Variants in MYO9A observed in about 807,000 individuals in gnomAD.
MYO9A encodes the protein unconventional myosin-IXa.
In MYO9A, 103 loss-of-function variants were observed where a neutral mutation model predicts 293.3. That is an observed-to-expected ratio of 0.35 (90% CI 0.30 to 0.41). MYO9A has a LOEUF of 0.41. Among genes scored for constraint, MYO9A ranks in the 10% least tolerant of loss-of-function variants. The pLI, the probability that MYO9A is intolerant of heterozygous loss-of-function variation, is 1.00. For synonymous variants in MYO9A, 1,001 were observed against 1,035.7 expected (o/e 0.97, Z 0.64); for missense variants, 2,685 against 3,033.0 (o/e 0.89, Z 2.69).
intron 5 of MYO9A, 72 bp downstream of exon 5, chr15:72,020,846 G>C: frequency 1.0e-6 from 1 of 960,360 alleles, no homozygotes; most frequent in South Asian, 2.5e-5. Context: ...GAAAGTACTA[G>C]AAAAAAGACA....
intron 32 of MYO9A, among the ~76,000 whole-genome samples, chr15:71,863,583 GT>G (rs2056223804): frequency 6.6e-6 from 1 of 152,098 alleles, no homozygotes; most frequent in Admixed American, 6.5e-5. Flanking sequence ...GCAATATGCA[GT>G]TTAGTTTGAA....
intron 33 of MYO9A, 64 bp from the exon 34 acceptor site, chr15:71,859,860 A>G (rs1200876769): frequency 1.4e-6 from 2 of 1,403,292 alleles, no homozygotes. Context: ...ATAACTTATC[A>G]AGTATACTTT....
chr15:72,108,180 G>A (rs1220838833), intron 1 of MYO9A, among the ~76,000 whole-genome samples: 1 of 152,268 alleles, frequency 6.6e-6, no homozygotes, highest in South Asian at 2.1e-4. Flanking sequence ...TACATAACAG[G>A]AGAAAAAATT....
chr15:71,893,419 C>A, intron 26 of MYO9A: 1 of 492,476 alleles, frequency 2.0e-6, no homozygotes, highest in South Asian at 2.2e-5. Context: ...CCAAAGAAGT[C>A]ATCTTTCACT....
chr15:72,001,974 T>C (rs2076878599), intron 8 of MYO9A, among the ~76,000 whole-genome samples: 1 of 152,168 alleles, frequency 6.6e-6, no homozygotes, highest in African/African-American at 2.4e-5. Flanking sequence ...GCTGCAATTA[T>C]TAAAAGTAAA....
chr15:71,964,604 A>G (rs2075824224), intron 13 of MYO9A, among the ~76,000 whole-genome samples: 1 of 122,736 alleles, frequency 8.1e-6, no homozygotes, highest in African/African-American at 3.2e-5. Context: ...ACATGGTGAC[A>G]CCCCATCTCT....
chr15:71,853,622 G>T (rs1295345416), intron 35 of MYO9A, among the ~76,000 whole-genome samples: 1 of 152,146 alleles, frequency 6.6e-6, no homozygotes, highest in African/African-American at 2.4e-5. Flanking sequence ...GCCCACACAA[G>T]GACATGCTTT....
intron 1 of MYO9A, among the ~76,000 whole-genome samples, chr15:72,097,851 G>A (rs35258998): frequency 0.2 from 30,233 of 151,656 alleles, 3,263 homozygotes; most frequent in East Asian, 0.41. Flanking sequence ...CAGAGGTTGC[G>A]GTGAGCCGAG....
chr15:71,851,604 A>G (rs2055651275), intron 36 of MYO9A, among the ~76,000 whole-genome samples: 1 of 152,170 alleles, frequency 6.6e-6, no homozygotes, highest in African/African-American at 2.4e-5. Flanking sequence ...GGGGATAGAG[A>G]TGTTCTAGTT....
intron 8 of MYO9A, among the ~76,000 whole-genome samples, chr15:72,006,487 G>C (rs1472425049): frequency 6.6e-6 from 1 of 152,124 alleles, no homozygotes; most frequent in African/African-American, 2.4e-5. Flanking sequence ...ATCCTGGAAA[G>C]GGCAAATCTA....
At chr15:71,913,892 G>T (rs558767178) in intron 19 of MYO9A, among the ~76,000 whole-genome samples, 101 of 151,916 alleles carry the variant, frequency 6.6e-4, no homozygotes, top group African/African-American at 2.3e-3. Context: ...ATAAAAGGTC[G>T]TTTCACTCTG....
intron 4 of MYO9A, among the ~76,000 whole-genome samples, chr15:72,024,278 TTA>T (rs2077594494): frequency 1.3e-5 from 2 of 152,214 alleles, no homozygotes; most frequent in African/African-American, 4.8e-5. Flanking sequence ...ATAGTATAAA[TTA>T]ATTAACTCAT....
chr15:71,825,972 G>A lies in MYO9A; in HGVS notation c.*608C>T, dbSNP rs1420357691. The A allele has an allele frequency of 1.3e-5, 2 of 149,322 alleles. No homozygotes were observed. The highest frequency in any genetic ancestry group is 6.7e-5 in the Admixed American group (1 of 15,000). 9.2% of individuals were successfully genotyped at this position (149,322 alleles called of 1,614,324 possible). A position where few individuals can be genotyped will look rare whatever the true frequency, so the allele number is the denominator to read the frequency against. Reference sequence around the variant, plus strand: ...CTGAGACACGCTCTGATGGCTTAATGGAAACAATCACGGTTTTTTTTTGTT... The same window carrying A: ...CTGAGACACGCTCTGATGGCTTAATAGAAACAATCACGGTTTTTTTTTGTT... On this transcript the variant is annotated 3_prime_UTR_variant, in exon 42 of 42. Coordinates refer to ENST00000356056, the MANE Select transcript of MYO9A (RefSeq NM_006901.4).
At chr15:71,943,868 T>C (rs1190019794) in intron 15 of MYO9A, among the ~76,000 whole-genome samples, 2 of 152,134 alleles carry the variant, frequency 1.3e-5, no homozygotes. Context: ...ATACTTTCAT[T>C]TCTTAGGTAA....
chr15:71,902,888 T>C lies in MYO9A; in HGVS notation c.3000+53A>G, dbSNP rs2291277. On this transcript the variant is annotated intron_variant, in intron 22 of 41. Transcript: ENST00000356056. ...ACAATCTCATAGGCAAAAATTATTA[T>C]TTTTTAAATAAATGCACTCAATTTT... 34,740 of 1,355,918 alleles carry C rather than the reference T, an allele frequency of 0.026. 530 individuals carry two copies. The highest frequency in any genetic ancestry group is 0.026 in the Non-Finnish European group (26,598 of 1,013,022). The allele number at this position is 1,355,918 out of a possible 1,614,324, so 84.0% of individuals were successfully genotyped here. A position where few individuals can be genotyped will look rare whatever the true frequency, so the allele number is the denominator to read the frequency against.
intron 1 of MYO9A, among the ~76,000 whole-genome samples, chr15:72,059,400 T>G (rs1476112124): frequency 6.6e-6 from 1 of 152,224 alleles, no homozygotes; most frequent in Non-Finnish European, 1.5e-5. Flanking sequence ...GTAAATATAA[T>G]CGACTTTTGT....
At chr15:72,083,690 T>G (rs775128252) in intron 1 of MYO9A, among the ~76,000 whole-genome samples, 17 of 152,208 alleles carry the variant, frequency 1.1e-4, no homozygotes, top group Non-Finnish European at 1.8e-4. Context: ...GTTCCAGAGA[T>G]TCTGGTATAT....
At chr15:72,064,595 T>G (rs1420767334) in intron 1 of MYO9A, among the ~76,000 whole-genome samples, 1 of 152,230 alleles carries the variant, frequency 6.6e-6, no homozygotes, top group African/African-American at 2.4e-5. Context: ...ATTTCAAAAC[T>G]CATACTGAAC....
At chr15:71,849,935 C>A in intron 38 of MYO9A, 101 bp downstream of exon 38, 1 of 944,212 alleles carries the variant, frequency 1.1e-6, no homozygotes, top group Non-Finnish European at 1.5e-6. Flanking sequence ...TTAAAAACAC[C>A]TGAATTTATG....
Sources: gnomAD v4.1 joint callset for allele counts (sites outside exome capture counted in the v4.1 genomes callset) on GRCh38, gnomAD v4.1.1 for gene constraint, MANE v1.5 for transcripts, NCBI Gene and HGNC (gene_info 2026-07-23, HGNC 2026-07-21) for gene names.